The following CERKL variants were observed in gnomAD, a reference collection of about 807,000 sequenced individuals.
CERKL encodes the protein ceramide kinase-like protein.
CERKL carries 61 observed loss-of-function variants against 63.4 expected under a neutral mutation model. The observed-to-expected ratio is 0.96, with a 90% CI of 0.78 to 1.19. The LOEUF is 1.19. Among genes scored for constraint, CERKL ranks in the 50% most tolerant of loss-of-function variants. CERKL has a pLI of 0.00. For missense variants in CERKL, 675 were observed against 655.5 expected (o/e 1.03, Z -0.33); for synonymous variants, 250 against 230.5 (o/e 1.08, Z -0.77).
At chr2:181,555,338 A>C (rs891837814) in intron 5 of CERKL, among the ~76,000 whole-genome samples, 3 of 152,204 alleles carry the variant, frequency 2.0e-5, no homozygotes, top group African/African-American at 7.2e-5. Context: ...AAAGTAAAGC[A>C]AAAAGGTCAA....
At chr2:181,645,653 C>T (rs1445665814) in intron 1 of CERKL, among the ~76,000 whole-genome samples, 1 of 152,240 alleles carries the variant, frequency 6.6e-6, no homozygotes, top group Non-Finnish European at 1.5e-5. Context: ...TCTACATAGT[C>T]TCTCTGAATC....
At chr2:181,562,060 C>T (rs754728673) in intron 4 of CERKL, among the ~76,000 whole-genome samples, 1 of 152,132 alleles carries the variant, frequency 6.6e-6, no homozygotes, top group East Asian at 1.9e-4. Context: ...GTGATCTCCC[C>T]TCTTCAGCCT....
rs556780409 is a variant in CERKL at position 181,590,471 on chromosome 2, G to GA, written c.481+13365dup. On this transcript the variant is annotated intron_variant, in intron 2 of 12. Transcript: ENST00000410087. ...AAGGTTTTAATTAAAAACTTTTCAT[G>GA]AAAAAAAAATCGTTATAAGAGAAAA... Among the ~76,000 whole-genome samples the GA allele has an allele frequency of 5.4e-5, 8 of 148,910 alleles. No homozygotes were observed. The East Asian group carries it at 5.9e-4, about 11-fold the overall frequency.
intron 5 of CERKL, among the ~76,000 whole-genome samples, chr2:181,552,912 G>A (rs1458468279): frequency 6.6e-6 from 1 of 152,130 alleles, no homozygotes; most frequent in African/African-American, 2.4e-5. Flanking sequence ...CCCCATTCCA[G>A]ACACACTGAT....
chr2:181,654,525 A>T (rs2105557728), intron 1 of CERKL, among the ~76,000 whole-genome samples: 1 of 152,244 alleles, frequency 6.6e-6, no homozygotes, highest in South Asian at 2.1e-4. Flanking sequence ...ATGTTCTAAT[A>T]ATCTCCAGTG....
intron 1 of CERKL, among the ~76,000 whole-genome samples, chr2:181,639,230 T>G (rs938864257): frequency 1.3e-5 from 2 of 152,140 alleles, no homozygotes; most frequent in Non-Finnish European, 2.9e-5. Flanking sequence ...TGAAATTATA[T>G]GATGCCTAGG....
chr2:181,563,017 G>A (rs1210550881), intron 4 of CERKL, among the ~76,000 whole-genome samples: 3 of 152,102 alleles, frequency 2.0e-5, no homozygotes, highest in East Asian at 3.9e-4. Context: ...TATTAATAGC[G>A]AGGAATTCAT....
intron 2 of CERKL, among the ~76,000 whole-genome samples, chr2:181,583,011 T>C (rs1684596477): frequency 6.6e-6 from 1 of 152,196 alleles, no homozygotes; most frequent in Non-Finnish European, 1.5e-5. Flanking sequence ...TTTAGTGCCT[T>C]ACTGTGAAAA....
chr2:181,560,115 T>C (rs1331429933), intron 4 of CERKL, among the ~76,000 whole-genome samples: 1 of 152,132 alleles, frequency 6.6e-6, no homozygotes, highest in East Asian at 1.9e-4. Context: ...CCCATCTTTA[T>C]GAATGAAAAA....
At chr2:181,639,351 T>C (rs1021200466) in intron 1 of CERKL, among the ~76,000 whole-genome samples, 1 of 152,174 alleles carries the variant, frequency 6.6e-6, no homozygotes, top group African/African-American at 2.4e-5. Context: ...ACATAGAGCT[T>C]CACCCCTCTT....
intron 11 of CERKL, among the ~76,000 whole-genome samples, chr2:181,541,412 C>A (rs764321709): frequency 2.6e-5 from 4 of 152,152 alleles, no homozygotes; most frequent in Non-Finnish European, 5.9e-5. Context: ...TTTGTTATGG[C>A]AACCTTAGCC....
intron 1 of CERKL, among the ~76,000 whole-genome samples, chr2:181,605,602 T>A (rs192908067): frequency 1.2e-3 from 188 of 152,290 alleles, no homozygotes; most frequent in Middle Eastern, 3.4e-3. Context: ...ATGTCACTTT[T>A]TCCAGGTAAC....
chr2:181,603,391 T>C lies in CERKL; in HGVS notation c.481+446A>G, dbSNP rs569954494. On this transcript the variant is annotated intron_variant, in intron 2 of 12. Transcript: ENST00000410087. ...CTTCATGAAAATAGTCATTCAAGAG[T>C]TACTTCCTAACTCATTCTATGAGGC... Among the ~76,000 whole-genome samples the C allele has an allele frequency of 2.6e-5, 4 of 152,314 alleles. No homozygotes were observed. The South Asian group carries it at 8.3e-4, about 32-fold the overall frequency.
chr2:181,632,247 G>C (rs1205218191), intron 1 of CERKL, among the ~76,000 whole-genome samples: 1 of 152,114 alleles, frequency 6.6e-6, no homozygotes, highest in Non-Finnish European at 1.5e-5. Flanking sequence ...GACACCATTA[G>C]ATTTTTTTCT....
At chr2:181,572,335 G>T (rs1681556774) in intron 3 of CERKL, among the ~76,000 whole-genome samples, 1 of 152,152 alleles carries the variant, frequency 6.6e-6, no homozygotes, top group African/African-American at 2.4e-5. Context: ...AGTCATCCAA[G>T]TATGATAGCT....
chr2:181,593,301 T>C (rs1685063005), intron 2 of CERKL, among the ~76,000 whole-genome samples: 1 of 152,154 alleles, frequency 6.6e-6, no homozygotes. Context: ...CCATGCTATC[T>C]AGCGTGATCA....
In CERKL at chr2:181,539,044, G is replaced by T. The variant is rs373931071; in HGVS notation, c.1538+48C>A. On this transcript the variant is annotated intron_variant, in intron 12 of 12. Coordinates refer to ENST00000410087, the MANE Select transcript of CERKL (RefSeq NM_201548.5). Reference sequence around the variant, plus strand: ...GAAGAGAGCTTTCGTTGTAATATTAGATTTATGTTTACTGGTTGACAATAA... The same window carrying T: ...GAAGAGAGCTTTCGTTGTAATATTATATTTATGTTTACTGGTTGACAATAA... 3.4e-5 allele frequency: 44 copies of T among 1,285,236 alleles called. 1 individual carries two copies. The highest frequency in any genetic ancestry group is 4.8e-5 in the Non-Finnish European group (43 of 904,332). 79.6% of individuals were successfully genotyped at this position (1,285,236 alleles called of 1,614,324 possible). A position where few individuals can be genotyped will look rare whatever the true frequency, so the allele number is the denominator to read the frequency against.
At chr2:181,607,868 T>G (rs1277101161) in intron 1 of CERKL, among the ~76,000 whole-genome samples, 1 of 152,236 alleles carries the variant, frequency 6.6e-6, no homozygotes, top group Non-Finnish European at 1.5e-5. Flanking sequence ...CCGCTTCACA[T>G]AGGTGAATGC....
At chr2:181,578,253 T>A (rs1033053986) in intron 2 of CERKL, among the ~76,000 whole-genome samples, 2 of 128,584 alleles carry the variant, frequency 1.6e-5, no homozygotes, top group African/African-American at 6.1e-5. Context: ...TATATATATG[T>A]GTGTGGGGGG....
Sources: allele counts gnomAD v4.1 joint callset (sites outside exome capture counted in the v4.1 genomes callset), GRCh38; gene constraint gnomAD v4.1.1; transcripts MANE v1.5; gene names NCBI Gene and HGNC (gene_info 2026-07-23, HGNC 2026-07-21).